The following GRK5 variants were observed in gnomAD, a reference collection of about 807,000 sequenced individuals.
GRK5 encodes G protein-coupled receptor kinase 5, also known as g protein-coupled receptor kinase GRK5.
Under a neutral mutation model 78.4 loss-of-function variants are expected in GRK5, and 40 were observed. The ratio of observed to expected loss-of-function variants is 0.51; its 90% CI spans 0.40 to 0.66. GRK5 has a LOEUF of 0.66. GRK5 is among the 30% of genes least tolerant of loss of function. The probability of loss-of-function intolerance (pLI) is 0.00; values close to 1 mark genes in which losing one functional copy is unlikely to be tolerated. For missense variants in GRK5, 598 were observed against 759.9 expected, an observed-to-expected ratio of 0.79 and a Z score of 2.50; for synonymous variants, 289 against 296.8, an observed-to-expected ratio of 0.97 and a Z score of 0.27.
intron 1 of GRK5, among the ~76,000 whole-genome samples, chr10:119,259,061 T>C (rs1266683769): frequency 1.0e-5 from 1 of 98,602 alleles, no homozygotes; most frequent in East Asian, 3.8e-4. Context: ...CCCTCTTTCT[T>C]TTTCTTTTTT....
At chr10:119,427,768 A>G (rs1852727304) in intron 6 of GRK5, among the ~76,000 whole-genome samples, 1 of 129,800 alleles carries the variant, frequency 7.7e-6, no homozygotes, top group Non-Finnish European at 1.5e-5. Flanking sequence ...TACCACCATC[A>G]GCGGCATCAC....
At chr10:119,269,351 C>A (rs562768128) in intron 1 of GRK5, among the ~76,000 whole-genome samples, 1 of 152,220 alleles carries the variant, frequency 6.6e-6, no homozygotes, top group Admixed American at 6.5e-5. Flanking sequence ...GCCCCCAAAC[C>A]CATGGAAGGG....
chr10:119,231,139 AC>A (rs1422715118), intron 1 of GRK5, among the ~76,000 whole-genome samples: 1 of 152,202 alleles, frequency 6.6e-6, no homozygotes, highest in African/African-American at 2.4e-5. Context: ...AAGACAACAC[AC>A]AGAATTGGGG....
intron 4 of GRK5, among the ~76,000 whole-genome samples, chr10:119,416,336 G>A (rs1852451757): frequency 6.6e-6 from 1 of 152,250 alleles, no homozygotes. Context: ...CCTCGGGGCT[G>A]ATAACTCAGC....
chr10:119,318,021 G>A (rs569311233), intron 1 of GRK5, among the ~76,000 whole-genome samples: 1 of 151,948 alleles, frequency 6.6e-6, no homozygotes, highest in East Asian at 1.9e-4. Flanking sequence ...ATTTCTAACT[G>A]GCTCCCAGCG....
chr10:119,245,372 C>A (rs1290694014), intron 1 of GRK5, among the ~76,000 whole-genome samples: 1 of 152,058 alleles, frequency 6.6e-6, no homozygotes, highest in East Asian at 1.9e-4. Flanking sequence ...GTGGAAACAA[C>A]CTCAAAGTCT....
At chr10:119,426,642 C>T (rs1281925117) in intron 6 of GRK5, among the ~76,000 whole-genome samples, 2 of 152,224 alleles carry the variant, frequency 1.3e-5, no homozygotes, top group Non-Finnish European at 2.9e-5. Flanking sequence ...AGGAAGTAAA[C>T]TGCTGAATGC....
intron 1 of GRK5, among the ~76,000 whole-genome samples, chr10:119,275,124 C>T (rs892067343): frequency 1.3e-5 from 2 of 152,150 alleles, no homozygotes; most frequent in African/African-American, 2.4e-5. Context: ...GGCTCAGCTT[C>T]GTAGGTGGTG....
chr10:119,296,687 C>G (rs1442243079), intron 1 of GRK5, among the ~76,000 whole-genome samples: 1 of 152,216 alleles, frequency 6.6e-6, no homozygotes, highest in East Asian at 1.9e-4. Flanking sequence ...TCTCTCATGG[C>G]TTTGGCATAT....
chr10:119,295,769 A>G (rs1007436366), intron 1 of GRK5, among the ~76,000 whole-genome samples: 1 of 152,028 alleles, frequency 6.6e-6, no homozygotes, highest in Non-Finnish European at 1.5e-5. Flanking sequence ...ACACGAAGGC[A>G]TAAGAATGAT....
chr10:119,325,724 T>A (rs1850663333), intron 1 of GRK5, among the ~76,000 whole-genome samples: 1 of 152,192 alleles, frequency 6.6e-6, no homozygotes, highest in Admixed American at 6.5e-5. Flanking sequence ...CATCGCTGTT[T>A]GCGCCTGTGC....
intron 2 of GRK5, among the ~76,000 whole-genome samples, chr10:119,347,436 C>T (rs1236246603): frequency 6.6e-6 from 1 of 151,948 alleles, no homozygotes; most frequent in Non-Finnish European, 1.5e-5. Context: ...TGTATGTGTC[C>T]GTGCATGTTT....
Position 119,253,509 on chromosome 10 carries a change from G to A in GRK5, c.52+45540G>A, listed in dbSNP as rs914741410. Among the ~76,000 whole-genome samples the A allele has an allele frequency of 6.6e-6, 1 of 152,162 alleles. No individual in the cohort carries two copies. Among genetic ancestry groups the A allele is most frequent in the Admixed American group, 6.5e-5 (1 of 15,276 alleles). ...TCTATTTTTCATGCCTCTTGCCTGGGTCTAAGCCCTGGAGCTTAGGGTGCT... is the reference window on the plus strand; with the variant it reads ...TCTATTTTTCATGCCTCTTGCCTGGATCTAAGCCCTGGAGCTTAGGGTGCT... On this transcript the variant is annotated intron_variant, in intron 1 of 15. Transcript: ENST00000392870. This position sits in a 1 kb window ranked among gnomAD's most constrained non-coding sequence, Gnocchi z 5.7.
intron 1 of GRK5, among the ~76,000 whole-genome samples, chr10:119,258,897 A>G (rs1438578261): frequency 1.3e-5 from 2 of 151,898 alleles, no homozygotes; most frequent in Non-Finnish European, 1.5e-5. Flanking sequence ...ATTCCCTGGC[A>G]CTCCAGCCTG....
At chr10:119,232,153 A>C (rs1848841471) in intron 1 of GRK5, among the ~76,000 whole-genome samples, 1 of 152,228 alleles carries the variant, frequency 6.6e-6, no homozygotes, top group Non-Finnish European at 1.5e-5. Flanking sequence ...TTCGGCCCTG[A>C]AGAATGAAGT....
chr10:119,290,370 A>AC (rs1564878618), intron 1 of GRK5, among the ~76,000 whole-genome samples: 4 of 131,244 alleles, frequency 3.0e-5, no homozygotes, highest in African/African-American at 9.0e-5. Context: ...AAAACAAAAA[A>AC]CAACTCTGTC....
In GRK5 at chr10:119,310,055, G is replaced by A. The variant is rs540966368; in HGVS notation, c.53-16461G>A. 9.2e-5 allele frequency among the ~76,000 whole-genome samples: 14 copies of A among 152,286 alleles called. No homozygotes were observed. In the South Asian group the frequency reaches 2.9e-3, roughly 32 times the overall value. ...GGCGCAGGCTTCCCAGACCATGTGT[G>A]TACACGGTCATGTCCACATGGTAAT... On this transcript the variant is annotated intron_variant, in intron 1 of 15. Transcript: ENST00000392870.
chr10:119,429,323 G>A (rs879292124), intron 6 of GRK5, among the ~76,000 whole-genome samples: 3 of 151,592 alleles, frequency 2.0e-5, no homozygotes, highest in African/African-American at 4.9e-5. Context: ...GGTGACTGAA[G>A]GCTCCCTGGT....
At chr10:119,361,960 CAAAAAAA>C (rs71016566) in intron 2 of GRK5, among the ~76,000 whole-genome samples, 1 of 85,652 alleles carries the variant, frequency 1.2e-5, no homozygotes, top group African/African-American at 4.4e-5. Context: ...GACTCTATCT[CAAAAAAA>C]AAAAAAAAAA....
Sources: allele counts gnomAD v4.1 joint callset (sites outside exome capture counted in the v4.1 genomes callset), GRCh38; gene constraint gnomAD v4.1.1; non-coding constraint Gnocchi (gnomAD v3.1); transcripts MANE v1.5; gene names NCBI Gene and HGNC (gene_info 2026-07-23, HGNC 2026-07-21).